The following PCDH11X variants were observed in gnomAD, a reference collection of about 807,000 sequenced individuals.
PCDH11X encodes protocadherin 11 X-linked, also known as protocadherin-11 X-linked.
Under a neutral mutation model 53.3 loss-of-function variants are expected in PCDH11X, and 18 were observed. That is an observed-to-expected ratio of 0.34 (90% CI 0.23 to 0.50). The LOEUF is 0.50. Ranked by LOEUF, PCDH11X falls within the 20% of genes least tolerant of loss-of-function variation. PCDH11X has a pLI of 0.98. For synonymous variants in PCDH11X, 279 were observed against 393.3 expected (o/e 0.71, Z 3.44); for missense variants, 570 against 1,032.4 (o/e 0.55, Z 6.14).
chrX:92,467,474 A>C (rs1326138801), intron 9 of PCDH11X, among the ~76,000 whole-genome samples: 4 of 111,366 alleles, frequency 3.6e-5, no homozygotes, highest in Non-Finnish European at 5.7e-5. Context: ...TCAGGAAATT[A>C]TTTATTAATA....
In PCDH11X at chrX:91,945,320, A is replaced by G. The variant is rs773072092; in HGVS notation, c.3033+66047A>G. Among the ~76,000 whole-genome samples, 6 of 105,508 alleles carry G rather than the reference A, an allele frequency of 5.7e-5. No individual in the cohort carries two copies. The East Asian group carries it at 1.8e-3, about 32-fold the overall frequency. 91.6% of individuals were successfully genotyped at this position (105,508 alleles called of 115,157 possible). ...AGGACAATACTAGAGTGCCGTGTTA[A>G]TTCCCTTTGCTAATGTACTGGCAGT... On this transcript the variant is annotated intron_variant, in intron 6 of 10. Coordinates refer to ENST00000682573, the MANE Select transcript of PCDH11X (RefSeq NM_032968.5).
At chrX:92,182,648 G>A (rs751004128) in intron 6 of PCDH11X, among the ~76,000 whole-genome samples, 7 of 111,618 alleles carry the variant, frequency 6.3e-5, no homozygotes, top group Non-Finnish European at 9.4e-5. Context: ...TAAGTCTCAA[G>A]ACATCTGATG....
chrX:92,109,116 G>A (rs1173850030), intron 6 of PCDH11X, among the ~76,000 whole-genome samples: 2 of 111,304 alleles, frequency 1.8e-5, no homozygotes, highest in Non-Finnish European at 3.8e-5. Flanking sequence ...CAGGCACGGT[G>A]GCTCATGCCT....
At chrX:92,048,711 A>T (rs1217750627) in intron 6 of PCDH11X, among the ~76,000 whole-genome samples, 1 of 109,738 alleles carries the variant, frequency 9.1e-6, no homozygotes, top group Admixed American at 9.6e-5. Context: ...CATCAAATAC[A>T]GTTGTTGATG....
At chrX:92,203,961 C>G (rs2066434275) in intron 7 of PCDH11X, among the ~76,000 whole-genome samples, 1 of 112,223 alleles carries the variant, frequency 8.9e-6, no homozygotes, top group African/African-American at 3.2e-5. Flanking sequence ...TGTAAGCCAC[C>G]AAGGCTTGGG....
At chrX:92,014,993 A>G (rs2062766254) in intron 6 of PCDH11X, among the ~76,000 whole-genome samples, 1 of 111,188 alleles carries the variant, frequency 9.0e-6, no homozygotes, top group South Asian at 3.8e-4. Flanking sequence ...TATGGAACAA[A>G]CCTGCATGTT....
chrX:92,012,759 T>G (rs1278777622), intron 6 of PCDH11X, among the ~76,000 whole-genome samples: 1 of 111,688 alleles, frequency 9.0e-6, no homozygotes, highest in Non-Finnish European at 1.9e-5. Context: ...CCAGAGATAT[T>G]GTGGGTTTGA....
At chrX:92,107,588 T>C (rs2064412529) in intron 6 of PCDH11X, among the ~76,000 whole-genome samples, 1 of 111,743 alleles carries the variant, frequency 8.9e-6, no homozygotes, top group Non-Finnish European at 1.9e-5. Flanking sequence ...AATACAAAAT[T>C]AGCAGGGCAT....
chrX:92,355,514 C>T (rs1170111218), intron 8 of PCDH11X, among the ~76,000 whole-genome samples: 2 of 94,270 alleles, frequency 2.1e-5, no homozygotes, highest in East Asian at 7.2e-4. Flanking sequence ...CTCTTTAATA[C>T]ATCTGAAGGT....
intron 5 of PCDH11X, among the ~76,000 whole-genome samples, chrX:91,875,975 A>C (rs1939592933): frequency 9.0e-6 from 1 of 111,634 alleles, no homozygotes; most frequent in Admixed American, 9.5e-5. Flanking sequence ...CATCTTAGGC[A>C]ACTGAAATCT....
rs1250408122 is a variant in PCDH11X, at chrX:92,575,938, T to TACAC, written c.3368-42325_3368-42324insCACA. 4.1e-4 allele frequency among the ~76,000 whole-genome samples: 11 copies of TACAC among 27,094 alleles called. No homozygotes were observed. In the South Asian group the frequency reaches 8.1e-3, roughly 20 times the overall value. 23.5% of individuals were successfully genotyped at this position (27,094 alleles called of 115,157 possible). On this transcript the variant is annotated intron_variant, in intron 10 of 10. Coordinates refer to ENST00000682573, the MANE Select transcript of PCDH11X (RefSeq NM_032968.5). ...ATATATATATATATATATATATATA[T>TACAC]ATATATACACACACACACACACACA...
At chrX:91,818,229 C>G (rs1427832727) in intron 4 of PCDH11X, among the ~76,000 whole-genome samples, 1 of 111,085 alleles carries the variant, frequency 9.0e-6, no homozygotes, top group Non-Finnish European at 1.9e-5. Context: ...ATAGGAGCCT[C>G]TAGTACCTAA....
intron 6 of PCDH11X, among the ~76,000 whole-genome samples, chrX:91,928,352 G>A (rs1942017119): frequency 1.8e-5 from 2 of 108,425 alleles, no homozygotes; most frequent in Admixed American, 1.0e-4. Context: ...ATTATATAAT[G>A]AGTGGTGCTT....
chrX:92,351,821 C>T (rs1342481107), intron 8 of PCDH11X, among the ~76,000 whole-genome samples: 1 of 111,605 alleles, frequency 9.0e-6, no homozygotes, highest in African/African-American at 3.3e-5. Context: ...GACTTACTGA[C>T]ACAGCAGCTA....
At chrX:92,307,825 G>T (rs2068864132) in intron 8 of PCDH11X, among the ~76,000 whole-genome samples, 1 of 105,984 alleles carries the variant, frequency 9.4e-6, no homozygotes, top group Non-Finnish European at 1.9e-5. Context: ...AAAGTTGGAG[G>T]ACATAAAATT....
intron 8 of PCDH11X, among the ~76,000 whole-genome samples, chrX:92,294,082 C>A (rs2068557433): frequency 9.1e-6 from 1 of 110,426 alleles, no homozygotes; most frequent in African/African-American, 3.3e-5. Flanking sequence ...TTTTTGAAAT[C>A]TAAAATGATT....
intron 9 of PCDH11X, among the ~76,000 whole-genome samples, chrX:92,401,377 C>T (rs1299767707): frequency 6.3e-5 from 7 of 111,239 alleles, no homozygotes; most frequent in African/African-American, 1.6e-4. Context: ...CAAATCGTCA[C>T]GGAAGTAAAA....
intron 10 of PCDH11X, among the ~76,000 whole-genome samples, chrX:92,569,197 T>C: frequency 9.1e-6 from 1 of 109,406 alleles, no homozygotes; most frequent in Non-Finnish European, 1.9e-5. Flanking sequence ...TTTCTTTTGC[T>C]TAATTAGCTC....
At chrX:91,950,589 G>GATAT (rs72440976) in intron 6 of PCDH11X, among the ~76,000 whole-genome samples, 1,360 of 99,434 alleles carry the variant, frequency 0.014, 19 homozygotes, top group African/African-American at 0.046. Flanking sequence ...ATATAAATGT[G>GATAT]ATATATATAT....
Sources: allele counts gnomAD v4.1 joint callset (sites outside exome capture counted in the v4.1 genomes callset), GRCh38; gene constraint gnomAD v4.1.1; transcripts MANE v1.5; gene names NCBI Gene and HGNC (gene_info 2026-07-23, HGNC 2026-07-21).